The following ASXL2 variants were observed in gnomAD, a reference collection of about 807,000 sequenced individuals.
ASXL2 encodes putative Polycomb group protein ASXL2.
In ASXL2, 23 loss-of-function variants were observed where a neutral mutation model predicts 122.0. The ratio of observed to expected loss-of-function variants is 0.19; its 90% confidence interval spans 0.14 to 0.27. The LOEUF is 0.27. ASXL2 is among the 10% of genes least tolerant of loss of function. The pLI, the probability that ASXL2 is intolerant of heterozygous loss-of-function variation, is 1.00. For missense variants in ASXL2, 1,518 were observed against 1,713.8 expected (o/e 0.89, Z 2.02); for synonymous variants, 650 against 637.0 (o/e 1.02, Z -0.31).
rs1233905530 is a variant in ASXL2, at chr2:25,851,966, G to C, written c.58-6403C>G. Among the ~76,000 whole-genome samples, 3 of 152,168 alleles carry C rather than the reference G, an allele frequency of 2.0e-5. No homozygotes were observed. The East Asian group carries it at 5.8e-4, about 29-fold the overall frequency. On this transcript the variant is annotated intron_variant, in intron 1 of 12. Transcript: ENST00000435504. ...TGCAGACACACTAGGAAAAAACCAA[G>C]AGGGAGAGAATGAGGGAAAAAAACC...
At chr2:25,785,437 C>A (rs983996582) in intron 5 of ASXL2, among the ~76,000 whole-genome samples, 1 of 152,126 alleles carries the variant, frequency 6.6e-6, no homozygotes, top group Non-Finnish European at 1.5e-5. Flanking sequence ...GGTGGCCAGG[C>A]TGGTCTCAAA....
intron 1 of ASXL2, among the ~76,000 whole-genome samples, chr2:25,874,207 G>A (rs959952544): frequency 1.3e-5 from 2 of 152,056 alleles, no homozygotes; most frequent in African/African-American, 2.4e-5. Context: ...ATTAGCTGTG[G>A]GCCCCGCACA....
chr2:25,826,762 TA>T (rs55765302), intron 3 of ASXL2, among the ~76,000 whole-genome samples: 1,420 of 68,050 alleles, frequency 0.021, 18 homozygotes, highest in African/African-American at 0.073. Context: ...ACTTTCAAGG[TA>T]AAAAAAAAAA....
intron 1 of ASXL2, chr2:25,856,365 T>C: frequency 3.4e-6 from 1 of 290,832 alleles, no homozygotes. Flanking sequence ...GGCCTATACT[T>C]TTTTTTTTTT....
At chr2:25,832,414 T>C (rs2089464867) in intron 3 of ASXL2, among the ~76,000 whole-genome samples, 1 of 151,972 alleles carries the variant, frequency 6.6e-6, no homozygotes, top group Non-Finnish European at 1.5e-5. Flanking sequence ...TCCTAAAATA[T>C]GATCCATGAG....
At chr2:25,779,663 T>C (rs923939594) in intron 5 of ASXL2, among the ~76,000 whole-genome samples, 3 of 152,208 alleles carry the variant, frequency 2.0e-5, no homozygotes, top group East Asian at 1.9e-4. Flanking sequence ...AAATTTGACA[T>C]ACTTGTTTGC....
intron 3 of ASXL2, among the ~76,000 whole-genome samples, chr2:25,807,468 C>G: frequency 6.6e-6 from 1 of 152,166 alleles, no homozygotes; most frequent in South Asian, 2.1e-4. Flanking sequence ...GCAGAAGAAA[C>G]TATTGAGCAT....
intron 1 of ASXL2, among the ~76,000 whole-genome samples, chr2:25,870,825 G>C (rs961740665): frequency 1.1e-4 from 17 of 152,042 alleles, no homozygotes; most frequent in African/African-American, 4.1e-4. Flanking sequence ...AAAAAATCCA[G>C]AAAGCCATAT....
intron 3 of ASXL2, chr2:25,809,957 C>A: frequency 3.8e-6 from 2 of 525,366 alleles, no homozygotes; most frequent in South Asian, 2.8e-5. Context: ...AGAGTCTGGT[C>A]CAGCATCCTT....
chr2:25,866,609 C>T (rs752503859), intron 1 of ASXL2, among the ~76,000 whole-genome samples: 5 of 152,188 alleles, frequency 3.3e-5, no homozygotes, highest in Non-Finnish European at 7.3e-5. Flanking sequence ...GAAATGGTTG[C>T]CCCTCTTGTC....
chr2:25,795,771 G>T (rs2088902936), intron 5 of ASXL2, among the ~76,000 whole-genome samples: 1 of 151,930 alleles, frequency 6.6e-6, no homozygotes, highest in African/African-American at 2.4e-5. Context: ...CTTGTGAAAA[G>T]AAGCGAAAAA....
At chr2:25,807,780 C>A (rs1259418507) in intron 3 of ASXL2, among the ~76,000 whole-genome samples, 1 of 152,022 alleles carries the variant, frequency 6.6e-6, no homozygotes, top group East Asian at 1.9e-4. Context: ...TAAAAGGTAT[C>A]ATTTATGTTT....
rs1417784851 is a variant in ASXL2, at chr2:25,739,964, T to C, written c.*2065A>G. 9.1e-6 allele frequency: 2 copies of C among 219,040 alleles called. No individual in the cohort carries two copies. The highest frequency in any genetic ancestry group is 5.8e-5 in the Admixed American group (1 of 17,290). The allele number at this position is 219,040 out of a possible 1,614,324, so 13.6% of individuals were successfully genotyped here. A position where few individuals can be genotyped will look rare whatever the true frequency, so the allele number is the denominator to read the frequency against. On this transcript the variant is annotated 3_prime_UTR_variant, in exon 13 of 13. Transcript: ENST00000435504. The stretch of plus-strand genomic sequence containing the variant: ...TGCAGCAACAGGTCTCTTTAAACCC[T>C]TCCTGGATTGCCCAAGGTACTGAAT...
intron 3 of ASXL2, among the ~76,000 whole-genome samples, chr2:25,807,325 T>C (rs1015146043): frequency 6.6e-6 from 1 of 152,180 alleles, no homozygotes; most frequent in African/African-American, 2.4e-5. Context: ...TAAGGAGTTA[T>C]CTGCTGGGAA....
At chr2:25,795,592 T>C (rs1173914944) in intron 5 of ASXL2, among the ~76,000 whole-genome samples, 1 of 152,142 alleles carries the variant, frequency 6.6e-6, no homozygotes, top group Admixed American at 6.5e-5. Context: ...CCCAAGTATA[T>C]TCCCATTTTA....
intron 8 of ASXL2, among the ~76,000 whole-genome samples, chr2:25,765,984 TTTTTTTA>T (rs1162468436): frequency 3.9e-5 from 6 of 152,122 alleles, no homozygotes; most frequent in African/African-American, 9.7e-5. Flanking sequence ...CAAACTAAGG[TTTTTTTA>T]TTTTTTATTT....
chr2:25,831,897 T>A (rs1286141212), intron 3 of ASXL2, among the ~76,000 whole-genome samples: 1 of 152,132 alleles, frequency 6.6e-6, no homozygotes, highest in Non-Finnish European at 1.5e-5. Flanking sequence ...TGACAATAGA[T>A]TTCTCGCCTA....
At chr2:25,824,581 T>G (rs929461783) in intron 3 of ASXL2, among the ~76,000 whole-genome samples, 3 of 152,182 alleles carry the variant, frequency 2.0e-5, no homozygotes, top group African/African-American at 7.2e-5. Flanking sequence ...ATTTGCAATT[T>G]TGCTATCAAT....
chr2:25,772,766 G>A (rs1365612389), intron 5 of ASXL2, among the ~76,000 whole-genome samples: 5 of 138,696 alleles, frequency 3.6e-5, no homozygotes, highest in South Asian at 2.5e-4. Flanking sequence ...AGGTACATAC[G>A]TTCTGTAGCT....
Sources: gnomAD v4.1 joint callset for allele counts (sites outside exome capture counted in the v4.1 genomes callset) on GRCh38, gnomAD v4.1.1 for gene constraint, MANE v1.5 for transcripts, NCBI Gene and HGNC (gene_info 2026-07-23, HGNC 2026-07-21) for gene names.